The following CPQ variants were observed in gnomAD, a reference collection of about 807,000 sequenced individuals.
The protein encoded by CPQ is carboxypeptidase Q.
Under a neutral mutation model 45.7 loss-of-function variants are expected in CPQ, and 37 were observed. That is an observed-to-expected ratio of 0.81 (90% confidence interval 0.62 to 1.07). CPQ has a LOEUF of 1.07. Among genes scored for constraint, CPQ ranks in the 50% least tolerant of loss-of-function variants. The pLI, the probability that CPQ is intolerant of heterozygous loss-of-function variation, is 0.00. For synonymous variants in CPQ, 186 were observed against 205.8 expected, an observed-to-expected ratio of 0.90 and a Z score of 0.82; for missense variants, 537 against 572.9, an observed-to-expected ratio of 0.94 and a Z score of 0.64.
chr8:96,827,701 A>G (rs1811397540), intron 2 of CPQ, among the ~76,000 whole-genome samples: 1 of 152,070 alleles, frequency 6.6e-6, no homozygotes, highest in Non-Finnish European at 1.5e-5. Flanking sequence ...TGGTGATGCC[A>G]ATATTATTGT....
At chr8:96,861,879 A>T (rs1415771089) in intron 3 of CPQ, among the ~76,000 whole-genome samples, 1 of 152,092 alleles carries the variant, frequency 6.6e-6, no homozygotes, top group Non-Finnish European at 1.5e-5. Flanking sequence ...GGCACTCAGG[A>T]AGAAAAGCAC....
At chr8:96,906,819 A>G (rs911350025) in intron 4 of CPQ, among the ~76,000 whole-genome samples, 1 of 152,088 alleles carries the variant, frequency 6.6e-6, no homozygotes, top group Non-Finnish European at 1.5e-5. Flanking sequence ...CTGTCACATC[A>G]CATATGAATT....
intron 2 of CPQ, among the ~76,000 whole-genome samples, chr8:96,803,756 A>G (rs2130824051): frequency 6.6e-6 from 1 of 152,312 alleles, no homozygotes; most frequent in Non-Finnish European, 1.5e-5. Flanking sequence ...ACTCATCAGT[A>G]TCTCCTACTA....
intron 1 of CPQ, among the ~76,000 whole-genome samples, chr8:96,687,848 T>C (rs113645969): frequency 0.024 from 3,685 of 152,218 alleles, 165 homozygotes; most frequent in African/African-American, 0.084. Flanking sequence ...TACATTGTTT[T>C]TCCTTTTTGA....
At chr8:96,659,860 C>G (rs1465978839) in intron 1 of CPQ, among the ~76,000 whole-genome samples, 1 of 152,192 alleles carries the variant, frequency 6.6e-6, no homozygotes, top group Admixed American at 6.5e-5. Context: ...TGTCATTACG[C>G]TAGTCCTAAC....
chr8:96,667,800 T>G (rs1039819969), intron 1 of CPQ, among the ~76,000 whole-genome samples: 12 of 152,192 alleles, frequency 7.9e-5, no homozygotes, highest in Non-Finnish European at 1.8e-4. Flanking sequence ...AAAGTGTGTC[T>G]GAAGTCCTGT....
chr8:96,692,677 AC>A (rs1309482237), intron 1 of CPQ, among the ~76,000 whole-genome samples: 2 of 152,186 alleles, frequency 1.3e-5, no homozygotes, highest in Admixed American at 6.5e-5. Flanking sequence ...AACTTAGACC[AC>A]AACACCCAAG....
chr8:97,132,996 T>A (rs529991586), intron 7 of CPQ: 1 of 152,176 alleles, frequency 6.6e-6, no homozygotes, highest in African/African-American at 2.4e-5. Flanking sequence ...TATAGCTGTA[T>A]ATGTTTTTGA....
chr8:96,993,848 G>A (rs1442490814), intron 5 of CPQ, among the ~76,000 whole-genome samples: 1 of 152,138 alleles, frequency 6.6e-6, no homozygotes, highest in Non-Finnish European at 1.5e-5. Flanking sequence ...CAAGCAGGAA[G>A]TGATTTAATT....
chr8:96,967,207 A>G (rs1308708686), intron 5 of CPQ, among the ~76,000 whole-genome samples: 1 of 152,226 alleles, frequency 6.6e-6, no homozygotes, highest in African/African-American at 2.4e-5. Context: ...TTCCTCTTCA[A>G]AAATCACCGA....
Position 96,874,301 on chromosome 8 carries a change from A to G in CPQ, c.642-5497A>G, listed in dbSNP as rs997708248. Among the ~76,000 whole-genome samples the G allele has an allele frequency of 2.0e-5, 3 of 151,930 alleles. No homozygotes were observed. The South Asian group carries it at 6.2e-4, about 31-fold the overall frequency. ...TAGGATTCTTATTTTGACTTTTATA[A>G]TAGAAGTTCTATTTGGGATATAATT... is the stretch of plus-strand genomic sequence containing the variant. On this transcript the variant is annotated intron_variant, in intron 3 of 7. Coordinates refer to ENST00000220763, the MANE Select transcript of CPQ (RefSeq NM_016134.4).
chr8:96,663,787 T>G (rs1249248249), intron 1 of CPQ, among the ~76,000 whole-genome samples: 1 of 152,182 alleles, frequency 6.6e-6, no homozygotes, highest in Non-Finnish European at 1.5e-5. Flanking sequence ...TCATCATCTC[T>G]GTTGACAGAA....
chr8:97,097,821 A>C (rs895285930), intron 7 of CPQ, among the ~76,000 whole-genome samples: 2 of 152,094 alleles, frequency 1.3e-5, no homozygotes, highest in East Asian at 3.9e-4. Flanking sequence ...AGAGAGAGAG[A>C]GAAAGAAAGA....
chr8:96,861,161 A>C (rs1811922060), intron 3 of CPQ, among the ~76,000 whole-genome samples: 1 of 152,176 alleles, frequency 6.6e-6, no homozygotes, highest in South Asian at 2.1e-4. Context: ...ACTACATCAT[A>C]TAAATTGTCT....
intron 7 of CPQ, among the ~76,000 whole-genome samples, chr8:97,136,381 G>C (rs1812058367): frequency 6.6e-6 from 1 of 152,150 alleles, no homozygotes; most frequent in Non-Finnish European, 1.5e-5. Context: ...TGTTGATATA[G>C]ATTGGCTCAT....
chr8:96,836,952 C>A (rs2130850172), intron 3 of CPQ, among the ~76,000 whole-genome samples: 1 of 152,250 alleles, frequency 6.6e-6, no homozygotes, highest in African/African-American at 2.4e-5. Context: ...CCATATTTCA[C>A]TGGACTCTTA....
intron 4 of CPQ, among the ~76,000 whole-genome samples, chr8:96,963,905 T>C (rs1180872162): frequency 2.0e-5 from 3 of 152,164 alleles, no homozygotes; most frequent in Non-Finnish European, 4.4e-5. Context: ...AATGGATTTA[T>C]ACATCATGTG....
chr8:96,915,635 A>G (rs750708356), intron 4 of CPQ, among the ~76,000 whole-genome samples: 4 of 152,088 alleles, frequency 2.6e-5, no homozygotes, highest in Non-Finnish European at 5.9e-5. Context: ...TCCTCCCAGT[A>G]TTCAGGACAG....
At chr8:96,772,542 G>C (rs929894172) in intron 1 of CPQ, among the ~76,000 whole-genome samples, 3 of 152,082 alleles carry the variant, frequency 2.0e-5, no homozygotes, top group Non-Finnish European at 4.4e-5. Context: ...GCCAGTTAAA[G>C]TATGTAGTAG....
Sources: gnomAD v4.1 joint callset for allele counts (sites outside exome capture counted in the v4.1 genomes callset) on GRCh38, gnomAD v4.1.1 for gene constraint, MANE v1.5 for transcripts, NCBI Gene and HGNC (gene_info 2026-07-23, HGNC 2026-07-21) for gene names.